Variants in TOGARAM2 observed in about 807,000 individuals in gnomAD.
TOGARAM2 encodes the protein TOG array regulator of axonemal microtubules protein 2.
In TOGARAM2, 85 loss-of-function variants were observed where a neutral mutation model predicts 93.3. The ratio of observed to expected loss-of-function variants is 0.91; its 90% CI spans 0.76 to 1.09. The LOEUF is 1.09. TOGARAM2 is among the 50% of genes least tolerant of loss of function. The pLI, the probability that TOGARAM2 is intolerant of heterozygous loss-of-function variation, is 0.00. For synonymous variants in TOGARAM2, 593 were observed against 552.8 expected (o/e 1.07, Z -1.02); for missense variants, 1,277 against 1,334.5 (o/e 0.96, Z 0.67).
intron 4 of TOGARAM2, among the ~76,000 whole-genome samples, chr2:29,000,763 G>A (rs562993970): frequency 2.2e-4 from 34 of 152,168 alleles, no homozygotes; most frequent in African/African-American, 6.3e-4. Flanking sequence ...TCCAGCTCCC[G>A]GGGAGCCCAG....
At chr2:29,005,224 T>C (rs62649850) in intron 6 of TOGARAM2, among the ~76,000 whole-genome samples, 85,900 of 131,086 alleles carry the variant, frequency 0.66, 30,650 homozygotes, top group Non-Finnish European at 0.79. Context: ...TGTGTGCATG[T>C]GTGTATATGT....
Position 29,042,448 on chromosome 2 carries a change from T to C in TOGARAM2, c.2636-2876T>C, listed in dbSNP as rs918256387. ...GTTTGGGGCCAGAGGCGGGAGCCCC[T>C]GCTGTGTCTAGATGTCAGGTCTAGA... is the stretch of plus-strand genomic sequence containing the variant. On this transcript the variant is annotated intron_variant, in intron 18 of 19. Coordinates refer to ENST00000379558, the MANE Select transcript of TOGARAM2 (RefSeq NM_199280.4). 2.0e-4 allele frequency among the ~76,000 whole-genome samples: 30 copies of C among 152,306 alleles called. No homozygotes were observed. In the East Asian group the frequency reaches 5.0e-3, roughly 25 times the overall value.
chr2:28,978,230 A>AG (rs1165705268), upstream of TOGARAM2, among the ~76,000 whole-genome samples: 1 of 152,066 alleles, frequency 6.6e-6, no homozygotes, highest in Non-Finnish European at 1.5e-5. Context: ...AGTAAGGGGT[A>AG]GGAAGGGATA....
rs149843715 is a variant in TOGARAM2 at position 28,967,126 on chromosome 2, A to G, written c.-147+10429A>G. ...AAATGCATTGTACAAGTGAATGGGC[A>G]TAAATAGATAACATTTCCAAAATAG... is the stretch of plus-strand genomic sequence containing the variant. On this transcript the variant is annotated intron_variant, in intron 1 of 6. Coordinates refer to the TOGARAM2 transcript ENST00000401723. Among the ~76,000 whole-genome samples, 47 of 152,376 alleles carry G rather than the reference A, an allele frequency of 3.1e-4. 1 individual carries two copies. In the East Asian group the frequency reaches 8.5e-3, roughly 27 times the overall value.
At chr2:29,033,073 G>A in intron 15 of TOGARAM2, 22 bp downstream of exon 15, 1 of 1,600,154 alleles carries the variant, frequency 6.2e-7, no homozygotes, top group South Asian at 1.1e-5. Context: ...GGCATAAGTG[G>A]GTCATGGCCT....
chr2:29,006,293 A>C lies in TOGARAM2; in HGVS notation c.830+2611A>C, dbSNP rs558124125. ...TGTATATGTGTGCATGTATGTGTGC[A>C]TGTGTGTGTGTGAGTGCCTGTGTGT... On this transcript the variant is annotated intron_variant, in intron 6 of 19. Transcript: ENST00000379558. 4.6e-4 allele frequency among the ~76,000 whole-genome samples: 57 copies of C among 124,388 alleles called. No homozygotes were observed. In the East Asian group the frequency reaches 0.013, roughly 27 times the overall value. 81.6% of individuals were successfully genotyped at this position (124,388 alleles called of 152,430 possible). A position where few individuals can be genotyped will look rare whatever the true frequency, so the allele number is the denominator to read the frequency against.
intron 10 of TOGARAM2, among the ~76,000 whole-genome samples, chr2:29,021,170 T>A (rs1218021663): frequency 6.6e-6 from 1 of 152,232 alleles, no homozygotes; most frequent in Non-Finnish European, 1.5e-5. Context: ...TGCCTTGGCC[T>A]CCCAAAGTGC....
chr2:28,971,054 C>T (rs1671942181), intron 1 of TOGARAM2: 1 of 152,284 alleles, frequency 6.6e-6, no homozygotes, highest in African/African-American at 2.4e-5. Context: ...GGCCTGGAGG[C>T]TGCAGACCCT....
At position 28,998,155 on chromosome 2, in the gene TOGARAM2, T is replaced by C. The variant is rs761875100; in HGVS notation, c.41T>C (p.Val14Ala). 5.0e-6 allele frequency: 8 copies of C among 1,606,746 alleles called. No individual in the cohort carries two copies. Among genetic ancestry groups the C allele is most frequent in the Non-Finnish European group, 6.8e-6 (8 of 1,176,822 alleles). ...RDDVPEAKVL[V>A]PVAVYCGSIP... ...CTTCTGTCTCCAGCCAAGGTCCTGG[T>C]CCCCGTGGCCGTGTACTGCGGGAGC... The change falls in exon 3 of 20, where the codon GTC becomes GCC. Residue 14 changes from valine (V) to alanine (A), a missense_variant. Coordinates refer to ENST00000379558, the MANE Select transcript of TOGARAM2 (RefSeq NM_199280.4).
intron 2 of TOGARAM2, among the ~76,000 whole-genome samples, chr2:28,996,799 C>CAAAA (rs1170607481): frequency 1.1e-3 from 46 of 40,702 alleles, no homozygotes; most frequent in South Asian, 1.6e-3. Flanking sequence ...GACTCCATCT[C>CAAAA]AAAAAAAAAA....
Position 28,974,127 on chromosome 2 carries a change from C to CTTTT in TOGARAM2, c.-147+17443_-147+17446dup, listed in dbSNP as rs34500191. Among the ~76,000 whole-genome samples the CTTTT allele has an allele frequency of 3.5e-3, 449 of 127,196 alleles. 24 individuals are homozygous for CTTTT. Among genetic ancestry groups the CTTTT allele is most frequent in the East Asian group, 0.025 (103 of 4,166 alleles). 83.4% of individuals were successfully genotyped at this position (127,196 alleles called of 152,430 possible). On this transcript the variant is annotated intron_variant, in intron 1 of 6. Transcript: ENST00000401723. Reference sequence around the variant, plus strand: ...TTCTGAACTTTGATTATAATATATCCTTTTTTTTTTTTTTTTCTGAGGCGA... The same window carrying CTTTT: ...TTCTGAACTTTGATTATAATATATCCTTTTTTTTTTTTTTTTTTTTCTGAGGCGA...
chr2:28,987,670 C>T (rs1057047057), intron 1 of TOGARAM2, among the ~76,000 whole-genome samples: 1 of 152,220 alleles, frequency 6.6e-6, no homozygotes, highest in African/African-American at 2.4e-5. Context: ...CTGTTTGTCC[C>T]TTTGTCTGCA....
intron 16 of TOGARAM2, 45 bp downstream of exon 16, chr2:29,033,608 G>T: frequency 6.4e-7 from 1 of 1,574,600 alleles, no homozygotes; most frequent in South Asian, 1.2e-5. Context: ...TAAGACTTCT[G>T]ACAGAGGCAT....
At chr2:28,976,264 A>G (rs548924330) in intron 1 of TOGARAM2, among the ~76,000 whole-genome samples, 14 of 152,228 alleles carry the variant, frequency 9.2e-5, no homozygotes, top group South Asian at 2.1e-4. Flanking sequence ...CCAGCTACTC[A>G]GGAGGCTGAG....
chr2:28,963,523 T>C lies in TOGARAM2; in HGVS notation c.-147+6826T>C, dbSNP rs115927862. Among the ~76,000 whole-genome samples, 92 of 151,872 alleles carry C rather than the reference T, an allele frequency of 6.1e-4. 1 individual carries two copies. Among genetic ancestry groups the C allele is most frequent in the African/African-American group, 2.1e-3 (89 of 41,424 alleles). On this transcript the variant is annotated intron_variant, in intron 1 of 6. Transcript: ENST00000401723. ...CCAAGTAGCTAGGACTACAGGCATA[T>C]GCCACCACACCTGGCTAACTTTTAA...
chr2:28,982,178 C>G, intron 1 of TOGARAM2, among the ~76,000 whole-genome samples: 1 of 152,284 alleles, frequency 6.6e-6, no homozygotes, highest in East Asian at 1.9e-4. Context: ...TTAGCCCATG[C>G]GCAGAATGGA....
At chr2:29,033,389 G>A (rs765489051) in intron 15 of TOGARAM2, 80 bp from the exon 16 acceptor site, 16 of 1,300,248 alleles carry the variant, frequency 1.2e-5, no homozygotes, top group Non-Finnish European at 1.6e-5. Context: ...TATTGCCATT[G>A]TTATGTCTCC....
In TOGARAM2 at chr2:29,024,098, C is replaced by T. The variant is rs1265046906; in HGVS notation, c.1618-41C>T. The T allele has an allele frequency of 3.3e-6, 5 of 1,515,912 alleles. No homozygotes were observed. The African/African-American group carries it at 6.9e-5, about 21-fold the overall frequency. 93.9% of individuals were successfully genotyped at this position (1,515,912 alleles called of 1,614,324 possible). A position where few individuals can be genotyped will look rare whatever the true frequency, so the allele number is the denominator to read the frequency against. ...TTTCCATGCGTCCCAGAGCCCTTGG[C>T]AGGGTCCAGCACCCTGGAGGGCCTC... is the stretch of plus-strand genomic sequence containing the variant. On this transcript the variant is annotated intron_variant, in intron 12 of 19. Transcript: ENST00000379558.
intron 6 of TOGARAM2, among the ~76,000 whole-genome samples, chr2:29,007,121 G>A (rs539099692): frequency 6.6e-6 from 1 of 152,216 alleles, no homozygotes; most frequent in South Asian, 2.1e-4. Context: ...TTCTCCTGGG[G>A]CCCTTATGTG....
Sources: allele counts gnomAD v4.1 joint callset (sites outside exome capture counted in the v4.1 genomes callset), GRCh38; gene constraint gnomAD v4.1.1; transcripts MANE v1.5; gene names NCBI Gene and HGNC (gene_info 2026-07-23, HGNC 2026-07-21).